The following SRGAP3 variants were observed in gnomAD, a reference collection of about 807,000 sequenced individuals.
The protein encoded by SRGAP3 is SLIT-ROBO Rho GTPase-activating protein 3.
Under a neutral mutation model 121.1 loss-of-function variants are expected in SRGAP3, and 39 were observed. That is an observed-to-expected ratio of 0.32 (90% CI 0.25 to 0.42). SRGAP3 has a LOEUF of 0.42. Among genes scored for constraint, SRGAP3 ranks in the 10% least tolerant of loss-of-function variants. The pLI, the probability that SRGAP3 is intolerant of heterozygous loss-of-function variation, is 1.00. For synonymous variants in SRGAP3, 601 were observed against 570.0 expected (o/e 1.05, Z -0.77); for missense variants, 1,213 against 1,470.6 (o/e 0.82, Z 2.86).
At position 8,985,829 on chromosome 3, in the gene SRGAP3, G is replaced by A. The variant is rs752567219; in HGVS notation, c.2990C>T (p.Pro997Leu). The change falls in exon 22 of 22, where the codon CCC becomes CTC. Residue 997 changes from proline to leucine, a missense_variant. Coordinates refer to ENST00000383836, the MANE Select transcript of SRGAP3 (RefSeq NM_014850.4). The surrounding 1 kb of genome is among the most constrained non-coding windows in gnomAD (Gnocchi z 5.1). ...GACGGGGCCTGGCGGGTTCTTCAGG[G>A]GCTCCAGGGTGTCCAGCACCACATC... is the stretch of plus-strand genomic sequence containing the variant. ...APDVVLDTLE[P>L]LKNPPGPVSS... is the part of the protein sequence containing the mutation. 6.2e-7 allele frequency: 1 copy of A among 1,600,552 alleles called. No individual in the cohort carries two copies. Among genetic ancestry groups the A allele is most frequent in the South Asian group, 1.1e-5 (1 of 91,072 alleles).
intron 3 of SRGAP3, among the ~76,000 whole-genome samples, chr3:9,102,565 A>G (rs1948258020): frequency 6.6e-6 from 1 of 152,208 alleles, no homozygotes; most frequent in Admixed American, 6.5e-5. Flanking sequence ...GCCGGCCTCC[A>G]TTCCGAAATT....
At chr3:9,360,214 C>G (rs112978284) in intron 1 of SRGAP3, among the ~76,000 whole-genome samples, 9,582 of 152,248 alleles carry the variant, frequency 0.063, 1,057 homozygotes, top group African/African-American at 0.22. Flanking sequence ...CAGGCATGAG[C>G]CAGCATGCCC....
chr3:9,147,848 G>A (rs1441912417), intron 1 of SRGAP3, among the ~76,000 whole-genome samples: 1 of 152,120 alleles, frequency 6.6e-6, no homozygotes, highest in Non-Finnish European at 1.5e-5. Flanking sequence ...GATGACATGG[G>A]CAGGCCAGGG....
chr3:9,004,503 A>T (rs189668209), intron 18 of SRGAP3, among the ~76,000 whole-genome samples: 1 of 152,354 alleles, frequency 6.6e-6, no homozygotes, highest in East Asian at 1.9e-4. Flanking sequence ...GGACTTAAAC[A>T]TCCCAATTTC....
intron 1 of SRGAP3, among the ~76,000 whole-genome samples, chr3:9,361,589 T>G (rs894644353): frequency 6.6e-6 from 1 of 152,132 alleles, no homozygotes. Context: ...TAGAAAAAAC[T>G]TGGAAGCTGA....
chr3:9,351,279 T>C (rs1034314695), intron 1 of SRGAP3, among the ~76,000 whole-genome samples: 5 of 152,178 alleles, frequency 3.3e-5, no homozygotes, highest in African/African-American at 7.2e-5. Context: ...GGCAATCTAC[T>C]TCATTTGCCA....
At chr3:9,177,083 T>A (rs1951205024) in intron 1 of SRGAP3, among the ~76,000 whole-genome samples, 1 of 152,194 alleles carries the variant, frequency 6.6e-6, no homozygotes, top group African/African-American at 2.4e-5. Flanking sequence ...AGACTGGCTC[T>A]AGGGAAGTGT....
At chr3:8,988,180 G>A (rs974078476) in intron 21 of SRGAP3, among the ~76,000 whole-genome samples, 9 of 152,172 alleles carry the variant, frequency 5.9e-5, no homozygotes, top group Admixed American at 5.9e-4. Context: ...AGTGGGGACC[G>A]TGATTGCTTT....
At chr3:9,234,945 A>G (rs1055300185) in intron 1 of SRGAP3, among the ~76,000 whole-genome samples, 3 of 152,172 alleles carry the variant, frequency 2.0e-5, no homozygotes, top group Non-Finnish European at 2.9e-5. Flanking sequence ...ACAGGGAAAT[A>G]AGACTGTCAG....
At chr3:9,230,567 G>A (rs1224686055) in intron 1 of SRGAP3, among the ~76,000 whole-genome samples, 2 of 152,124 alleles carry the variant, frequency 1.3e-5, no homozygotes, top group Admixed American at 1.3e-4. Flanking sequence ...GTGTGGGAGA[G>A]GGAAAAAGAA....
chr3:9,164,825 G>C (rs1211604818), intron 1 of SRGAP3, among the ~76,000 whole-genome samples: 4 of 152,232 alleles, frequency 2.6e-5, no homozygotes, highest in Non-Finnish European at 5.9e-5. Context: ...CTTGAGGTTA[G>C]GTGATCTTCC....
intron 1 of SRGAP3, among the ~76,000 whole-genome samples, chr3:9,127,751 A>C (rs1227823186): frequency 6.6e-6 from 1 of 152,008 alleles, no homozygotes; most frequent in East Asian, 1.9e-4. Context: ...CCGGCCTAGT[A>C]AAAATTTTAA....
Position 8,994,365 on chromosome 3 carries a change from G to A in SRGAP3, c.2386C>T (p.Gln796Ter). The A allele has an allele frequency of 6.2e-7, 1 of 1,614,182 alleles. No individual in the cohort carries two copies. Among genetic ancestry groups the A allele is most frequent in the Non-Finnish European group, 8.5e-7 (1 of 1,180,042 alleles). The part of the protein sequence containing the change: ...HNGVDGLIPH[Q>*]YIVVQDMDDA... ...CACATGTCCTGTACAACTATGTACTGATGGGGGATGAGTCCATCCACGCCG... is the reference window on the plus strand; with the variant it reads ...CACATGTCCTGTACAACTATGTACTAATGGGGGATGAGTCCATCCACGCCG... Residue 796 changes from glutamine to a stop codon, truncating the protein, a stop_gained, in exon 19 of 22, where the codon CAG becomes TAG. Transcript: ENST00000383836. LOFTEE classifies it high-confidence loss of function.
intron 3 of SRGAP3, among the ~76,000 whole-genome samples, chr3:9,091,632 G>A (rs181316921): frequency 5.5e-4 from 83 of 152,288 alleles, no homozygotes; most frequent in African/African-American, 1.9e-3. Flanking sequence ...GCCTGTGCTG[G>A]AAGGTCCACG....
At chr3:9,075,684 C>T (rs533339671) in intron 4 of SRGAP3, among the ~76,000 whole-genome samples, 1 of 152,316 alleles carries the variant, frequency 6.6e-6, no homozygotes, top group Admixed American at 6.5e-5. Flanking sequence ...CACCACCTCC[C>T]TTACAGAACT....
intron 3 of SRGAP3, among the ~76,000 whole-genome samples, chr3:9,271,496 T>A (rs1347724765): frequency 6.6e-6 from 1 of 152,028 alleles, no homozygotes; most frequent in Non-Finnish European, 1.5e-5. Context: ...CCCCCTTACC[T>A]CCCTGTGGAT....
chr3:8,997,587 G>GTC (rs1400446600), intron 18 of SRGAP3, among the ~76,000 whole-genome samples: 2 of 151,920 alleles, frequency 1.3e-5, no homozygotes, highest in Non-Finnish European at 2.9e-5. Context: ...CATCTTCTCT[G>GTC]TCTCTCTCTC....
At chr3:9,252,099 T>C (rs1954030826), upstream of SRGAP3, among the ~76,000 whole-genome samples, 1 of 152,124 alleles carries the variant, frequency 6.6e-6, no homozygotes, top group Admixed American at 6.6e-5. Context: ...TGGCTTGGTG[T>C]CCACCCCACG....
chr3:9,343,350 T>C (rs1559285555), intron 1 of SRGAP3, among the ~76,000 whole-genome samples: 1 of 152,220 alleles, frequency 6.6e-6, no homozygotes, highest in Non-Finnish European at 1.5e-5. Context: ...AATCAGCTTT[T>C]CCTTCTCCAT....
Sources: allele counts gnomAD v4.1 joint callset (sites outside exome capture counted in the v4.1 genomes callset), GRCh38; gene constraint gnomAD v4.1.1; non-coding constraint Gnocchi (gnomAD v3.1); transcripts MANE v1.5; gene names NCBI Gene and HGNC (gene_info 2026-07-23, HGNC 2026-07-21).